Variants in KLRD1 observed in about 807,000 individuals in gnomAD.
KLRD1 encodes killer cell lectin like receptor D1, also known as natural killer cells antigen CD94.
In KLRD1, 21 loss-of-function variants were observed where a neutral mutation model predicts 22.6. That is an observed-to-expected ratio of 0.93 (90% CI 0.66 to 1.34). The LOEUF (loss-of-function observed/expected upper bound fraction) is 1.34. Ranked by LOEUF, KLRD1 falls within the 40% of genes most tolerant of loss-of-function variation. The probability of loss-of-function intolerance (pLI) is 0.00; values close to 1 mark genes in which losing one functional copy is unlikely to be tolerated. For synonymous variants in KLRD1, 59 were observed against 71.1 expected (o/e 0.83, Z 0.85); for missense variants, 183 against 208.6 (o/e 0.88, Z 0.76).
At chr12:10,247,573 T>C (rs1949303973) in intron 1 of KLRD1, among the ~76,000 whole-genome samples, 1 of 152,196 alleles carries the variant, frequency 6.6e-6, no homozygotes, top group Non-Finnish European at 1.5e-5. Context: ...TTTTATTTTC[T>C]TTAATCTAAT....
At chr12:10,258,864 A>G (rs897501405) in intron 1 of KLRD1, among the ~76,000 whole-genome samples, 1 of 152,204 alleles carries the variant, frequency 6.6e-6, no homozygotes, top group Non-Finnish European at 1.5e-5. Flanking sequence ...ATATATATTT[A>G]TGCTTTCCCA....
chr12:10,255,974 C>T (rs1024875882), intron 1 of KLRD1, among the ~76,000 whole-genome samples: 1 of 152,044 alleles, frequency 6.6e-6, no homozygotes, highest in East Asian at 1.9e-4. Flanking sequence ...TCAGTTATGT[C>T]AAAGTTTGTT....
At chr12:10,258,926 C>T (rs774158171) in intron 1 of KLRD1, among the ~76,000 whole-genome samples, 31 of 152,228 alleles carry the variant, frequency 2.0e-4, no homozygotes, top group Non-Finnish European at 3.8e-4. Context: ...GTAAGACCTA[C>T]GAAGAAGCCA....
chr12:10,284,534 T>C (rs2137658301), intron 1 of KLRD1, among the ~76,000 whole-genome samples: 1 of 152,360 alleles, frequency 6.6e-6, no homozygotes, highest in African/African-American at 2.4e-5. Flanking sequence ...TTTTGTTTTA[T>C]ACATTTTGCT....
Position 10,326,928 on chromosome 12 carries a change from C to G in KLRD1, c.*12135C>G, listed in dbSNP as rs906914455. On this transcript the variant is annotated 3_prime_UTR_variant, in exon 6 of 6. Transcript: ENST00000336164. ...GTTTGTTTGCTATAGTCCTACTTGTCTATTCTTGCTTTTGTTGCCTGTGCT... is the reference window on the plus strand; with the variant it reads ...GTTTGTTTGCTATAGTCCTACTTGTGTATTCTTGCTTTTGTTGCCTGTGCT... 1.3e-5 allele frequency: 2 copies of G among 152,154 alleles called. No individual in the cohort carries two copies. The highest frequency in any genetic ancestry group is 2.9e-5 in the Non-Finnish European group (2 of 68,018). 9.4% of individuals were successfully genotyped at this position (152,154 alleles called of 1,614,324 possible). A position where few individuals can be genotyped will look rare whatever the true frequency, so the allele number is the denominator to read the frequency against.
At chr12:10,298,207 G>A (rs929752836) in intron 1 of KLRD1, among the ~76,000 whole-genome samples, 1 of 152,146 alleles carries the variant, frequency 6.6e-6, no homozygotes, top group Non-Finnish European at 1.5e-5. Context: ...AAGACAATGT[G>A]ACTATCAAAC....
At chr12:10,265,639 C>T (rs1949491890) in intron 1 of KLRD1, among the ~76,000 whole-genome samples, 1 of 151,702 alleles carries the variant, frequency 6.6e-6, no homozygotes, top group Non-Finnish European at 1.5e-5. Context: ...CACCTGTAAG[C>T]CCAGCTACTC....
chr12:10,305,372 CAG>C (rs1272086864), upstream of KLRD1, among the ~76,000 whole-genome samples: 1 of 152,074 alleles, frequency 6.6e-6, no homozygotes, highest in Non-Finnish European at 1.5e-5. Flanking sequence ...GCAGCACACT[CAG>C]AGAATACTTT....
Position 10,325,943 on chromosome 12 carries a change from G to T in KLRD1, c.*11150G>T, listed in dbSNP as rs968460964. 6.6e-6 allele frequency: 1 copy of T among 152,114 alleles called. No individual in the cohort carries two copies. The highest frequency in any genetic ancestry group is 2.4e-5 in the African/African-American group (1 of 41,398). The allele number at this position is 152,114 out of a possible 1,614,324, so 9.4% of individuals were successfully genotyped here. A position where few individuals can be genotyped will look rare whatever the true frequency, so the allele number is the denominator to read the frequency against. On this transcript the variant is annotated 3_prime_UTR_variant, in exon 6 of 6. Transcript: ENST00000336164. ...TCATTCCCACCAAAGTGTTCAAGGG[G>T]TCTAATTACCCCACGTACTTCTCAA...
At chr12:10,265,968 G>A (rs2137636995) in intron 1 of KLRD1, among the ~76,000 whole-genome samples, 1 of 152,128 alleles carries the variant, frequency 6.6e-6, no homozygotes. Flanking sequence ...TCCCTTCATG[G>A]TCCCTCTGAC....
intron 1 of KLRD1, among the ~76,000 whole-genome samples, chr12:10,283,308 T>G (rs1441253364): frequency 6.6e-6 from 1 of 152,082 alleles, no homozygotes; most frequent in Admixed American, 6.5e-5. Flanking sequence ...CACGATTCCA[T>G]TTGTATGAGG....
At position 10,318,771 on chromosome 12, in the gene KLRD1, GGGAGA is replaced by G. The variant is rs1950280514; in HGVS notation, c.*3979_*3983del. The G allele has an allele frequency of 6.6e-6, 1 of 150,846 alleles. No individual in the cohort carries two copies. Among genetic ancestry groups the G allele is most frequent in the African/African-American group, 2.4e-5 (1 of 40,846 alleles). The allele number at this position is 150,846 out of a possible 1,614,324, so 9.3% of individuals were successfully genotyped here. On this transcript the variant is annotated 3_prime_UTR_variant, in exon 6 of 6. Transcript: ENST00000336164. Reference sequence around the variant, plus strand: ...TGAGGCAGGAGAATGGCGAGAACCCGGGAGACGGAGTTTACAGTGAGCTGAGATCG... The same window carrying G: ...TGAGGCAGGAGAATGGCGAGAACCCGCGGAGTTTACAGTGAGCTGAGATCG...
intron 1 of KLRD1, among the ~76,000 whole-genome samples, chr12:10,287,951 C>G (rs1949724452): frequency 6.6e-6 from 1 of 151,930 alleles, no homozygotes; most frequent in Admixed American, 6.6e-5. Context: ...GCCTGTAGTC[C>G]CAGCTACTCA....
At chr12:10,279,821 C>T (rs1193145173) in intron 1 of KLRD1, among the ~76,000 whole-genome samples, 1 of 151,986 alleles carries the variant, frequency 6.6e-6, no homozygotes, top group Non-Finnish European at 1.5e-5. Context: ...ACAAAAAATC[C>T]TTTTATGATT....
intron 1 of KLRD1, among the ~76,000 whole-genome samples, chr12:10,248,481 TTA>T (rs953239357): frequency 6.6e-6 from 1 of 152,046 alleles, no homozygotes; most frequent in African/African-American, 2.4e-5. Flanking sequence ...TATTTTATTT[TTA>T]TGTTTATTTT....
rs1379692383 is a variant in KLRD1 at position 10,321,516 on chromosome 12, T to C, written c.*6723T>C. Reference sequence around the variant, plus strand: ...TCCTATATGCTCCCAATGATCCCTGTTTCTTGGAATTTAACCCTTTTGATA... The same window carrying C: ...TCCTATATGCTCCCAATGATCCCTGCTTCTTGGAATTTAACCCTTTTGATA... On this transcript the variant is annotated 3_prime_UTR_variant, in exon 6 of 6. Transcript: ENST00000336164. 6.6e-6 allele frequency: 1 copy of C among 152,238 alleles called. No homozygotes were observed. 9.4% of individuals were successfully genotyped at this position (152,238 alleles called of 1,614,324 possible).
chr12:10,293,200 C>T (rs372444068), intron 1 of KLRD1, among the ~76,000 whole-genome samples: 1 of 26,762 alleles, frequency 3.7e-5, no homozygotes, highest in African/African-American at 1.2e-4. Context: ...TGCTCACTGG[C>T]ATAGCAATTT....
At chr12:10,285,224 A>C (rs1342317734) in intron 1 of KLRD1, among the ~76,000 whole-genome samples, 1 of 152,208 alleles carries the variant, frequency 6.6e-6, no homozygotes, top group East Asian at 1.9e-4. Flanking sequence ...TATTTATAAA[A>C]TAAATTCTTA....
intron 1 of KLRD1, among the ~76,000 whole-genome samples, chr12:10,248,748 C>A (rs7304038): frequency 0.75 from 113,269 of 150,732 alleles, 43,111 homozygotes; most frequent in East Asian, 1. Context: ...CAGGTGCCCG[C>A]CACCACACCC....
Sources: gnomAD v4.1 joint callset for allele counts (sites outside exome capture counted in the v4.1 genomes callset) on GRCh38, gnomAD v4.1.1 for gene constraint, MANE v1.5 for transcripts, NCBI Gene and HGNC (gene_info 2026-07-23, HGNC 2026-07-21) for gene names.